RBMS3: variants seen among roughly 807,000 people sequenced by gnomAD.
The protein encoded by RBMS3 is RNA binding motif single stranded interacting protein 3, also known as RNA-binding motif, single-stranded-interacting protein 3.
Under a neutral mutation model 66.8 loss-of-function variants are expected in RBMS3, and 27 were observed. The ratio of observed to expected loss-of-function variants is 0.40; its 90% CI spans 0.30 to 0.56. The LOEUF (loss-of-function observed/expected upper bound fraction) is 0.56, where lower values mean the gene tolerates loss of function less well. RBMS3 is among the 20% of genes least tolerant of loss of function. The pLI, the probability that RBMS3 is intolerant of heterozygous loss-of-function variation, is 0.40. For missense variants in RBMS3, 513 were observed against 549.5 expected, an observed-to-expected ratio of 0.93 and a Z score of 0.66; for synonymous variants, 188 against 183.0, an observed-to-expected ratio of 1.03 and a Z score of -0.22.
intron 4 of RBMS3, among the ~76,000 whole-genome samples, chr3:29,621,362 C>T (rs1324850476): frequency 4.6e-5 from 7 of 152,058 alleles, no homozygotes; most frequent in Non-Finnish European, 7.4e-5. Context: ...AAAGGATGAA[C>T]TTTCGAAAAT....
chr3:29,410,387 AC>A (rs1468038100), intron 1 of RBMS3, among the ~76,000 whole-genome samples: 2 of 152,266 alleles, frequency 1.3e-5, no homozygotes, highest in Admixed American at 1.3e-4. Context: ...CTTGACACAC[AC>A]CTGTGTCACT....
At chr3:29,615,025 A>T (rs1484644666) in intron 4 of RBMS3, 1 of 152,270 alleles carries the variant, frequency 6.6e-6, no homozygotes, top group Admixed American at 6.5e-5. Flanking sequence ...CAATTATTCC[A>T]ATTTGAAAAA....
In RBMS3 at chr3:29,438,010, T is replaced by C. The variant is rs116487553; in HGVS notation, c.248+3095T>C. ...TTGGTAAGAGACCAATGCAGGTCAT[T>C]TGTAAAACCTTGCTTGTTTCTCTCT... On this transcript the variant is annotated intron_variant, in intron 2 of 14. Coordinates refer to ENST00000383767, the MANE Select transcript of RBMS3 (RefSeq NM_001003793.3). Among the ~76,000 whole-genome samples, 1,177 of 146,870 alleles carry C rather than the reference T, an allele frequency of 8.0e-3. 14 individuals carry two copies. The highest frequency in any genetic ancestry group is 0.028 in the African/African-American group (1,106 of 39,092).
intron 10 of RBMS3, among the ~76,000 whole-genome samples, chr3:29,929,225 C>A (rs2061039324): frequency 6.6e-6 from 1 of 152,114 alleles, no homozygotes; most frequent in African/African-American, 2.4e-5. Context: ...TCAACTCTCC[C>A]TCAATAATGC....
chr3:29,281,490 T>G lies in RBMS3; in HGVS notation c.-192T>G. 3 of 564,776 alleles carry G rather than the reference T, an allele frequency of 5.3e-6. No individual in the cohort carries two copies. The highest frequency in any genetic ancestry group is 9.3e-6 in the Non-Finnish European group (3 of 322,044). 35.0% of individuals were successfully genotyped at this position (564,776 alleles called of 1,614,324 possible). Reference sequence around the variant, plus strand: ...ACTCCTCGCCCTTTTTTTTTTTCCTTTGGTGTGTGTTTTTTGTTTTGTTTT... The same window carrying G: ...ACTCCTCGCCCTTTTTTTTTTTCCTGTGGTGTGTGTTTTTTGTTTTGTTTT... On this transcript the variant is annotated 5_prime_UTR_variant, in exon 1 of 15. Transcript: ENST00000383767.
chr3:29,649,654 T>C (rs1417243917), intron 4 of RBMS3, among the ~76,000 whole-genome samples: 4 of 152,032 alleles, frequency 2.6e-5, no homozygotes, highest in Non-Finnish European at 5.9e-5. Context: ...AGGTTCCCAA[T>C]CTGAAATGTT....
At chr3:29,740,183 C>T (rs1048636005) in intron 5 of RBMS3, among the ~76,000 whole-genome samples, 2 of 151,992 alleles carry the variant, frequency 1.3e-5, no homozygotes, top group African/African-American at 4.8e-5. Context: ...CAGATGCTGC[C>T]AATACCTGAC....
chr3:29,524,083 T>A (rs529051826), intron 3 of RBMS3, among the ~76,000 whole-genome samples: 1 of 152,216 alleles, frequency 6.6e-6, no homozygotes, highest in Non-Finnish European at 1.5e-5. Flanking sequence ...AGCTTCCTGA[T>A]AAAATTTTCC....
chr3:29,703,739 G>A (rs1049629649), intron 4 of RBMS3, among the ~76,000 whole-genome samples: 1 of 152,172 alleles, frequency 6.6e-6, no homozygotes, highest in African/African-American at 2.4e-5. Flanking sequence ...TGAAAGACCT[G>A]TAAAATCTTT....
chr3:29,480,278 G>A (rs568727785), intron 2 of RBMS3, among the ~76,000 whole-genome samples: 2 of 152,292 alleles, frequency 1.3e-5, no homozygotes, highest in Admixed American at 6.5e-5. Flanking sequence ...AAACTCGGGG[G>A]TTGAGGCCCC....
At chr3:29,530,954 C>T (rs932669797) in intron 3 of RBMS3, among the ~76,000 whole-genome samples, 1 of 151,980 alleles carries the variant, frequency 6.6e-6, no homozygotes, top group Middle Eastern at 3.2e-3. Context: ...TAAAATGTCC[C>T]AAAAATGGTG....
chr3:29,483,690 A>T (rs1277482845), intron 2 of RBMS3, among the ~76,000 whole-genome samples: 1 of 152,218 alleles, frequency 6.6e-6, no homozygotes, highest in Admixed American at 6.5e-5. Context: ...GCTAAGTAGT[A>T]ATACACTGAC....
chr3:29,647,433 A>G (rs545821333), intron 4 of RBMS3, among the ~76,000 whole-genome samples: 1 of 152,328 alleles, frequency 6.6e-6, no homozygotes, highest in South Asian at 2.1e-4. Flanking sequence ...CAAAAAAGCT[A>G]CGATTCAAAG....
chr3:29,951,838 A>G (rs1695700154), intron 12 of RBMS3, among the ~76,000 whole-genome samples: 2 of 151,846 alleles, frequency 1.3e-5, no homozygotes, highest in East Asian at 1.9e-4. Context: ...AATAACATGA[A>G]AAAGAATGTT....
Position 29,285,636 on chromosome 3 carries a change from C to A in RBMS3, c.75+3880C>A, listed in dbSNP as rs538763493. The stretch of plus-strand genomic sequence containing the variant: ...AAACAGAATTTCTTGGCTGGTGATA[C>A]TCAGATTGTGTTCAGAGCCTGGTAT... On this transcript the variant is annotated intron_variant, in intron 1 of 14. Coordinates refer to ENST00000383767, the MANE Select transcript of RBMS3 (RefSeq NM_001003793.3). Among the ~76,000 whole-genome samples the A allele has an allele frequency of 3.9e-5, 6 of 152,184 alleles. No individual in the cohort carries two copies. In the East Asian group the frequency reaches 1.2e-3, roughly 30 times the overall value.
intron 1 of RBMS3, among the ~76,000 whole-genome samples, chr3:29,345,428 G>A (rs2036517422): frequency 6.6e-6 from 1 of 152,030 alleles, no homozygotes; most frequent in African/African-American, 2.4e-5. Flanking sequence ...AAAAGGAGGA[G>A]GATTTTTTTT....
chr3:29,436,062 A>G (rs1244444122), intron 2 of RBMS3, among the ~76,000 whole-genome samples: 2 of 151,832 alleles, frequency 1.3e-5, no homozygotes, highest in Non-Finnish European at 2.9e-5. Flanking sequence ...TATATTTGTC[A>G]TTTGATTGTG....
At chr3:29,325,820 C>G (rs1388947712) in intron 1 of RBMS3, among the ~76,000 whole-genome samples, 2 of 151,968 alleles carry the variant, frequency 1.3e-5, no homozygotes, top group East Asian at 3.9e-4. Context: ...ATACTATTGG[C>G]CTAATCTTTC....
intron 4 of RBMS3, among the ~76,000 whole-genome samples, chr3:29,642,004 C>T (rs559237659): frequency 6.6e-6 from 1 of 152,048 alleles, no homozygotes; most frequent in Non-Finnish European, 1.5e-5. Context: ...ACTGACATTT[C>T]TTAGGCATTT....
Sources: gnomAD v4.1 joint callset for allele counts (sites outside exome capture counted in the v4.1 genomes callset) on GRCh38, gnomAD v4.1.1 for gene constraint, MANE v1.5 for transcripts, NCBI Gene and HGNC (gene_info 2026-07-23, HGNC 2026-07-21) for gene names.